KCTD1: variants seen among roughly 807,000 people sequenced by gnomAD.
KCTD1 encodes the protein potassium channel tetramerization domain containing 1, also known as BTB/POZ domain-containing protein KCTD1.
KCTD1 carries 24 observed loss-of-function variants against 66.0 expected under a neutral mutation model. The observed-to-expected ratio is 0.36, with a 90% CI of 0.26 to 0.51. The LOEUF (loss-of-function observed/expected upper bound fraction) is 0.51. Among genes scored for constraint, KCTD1 ranks in the 20% least tolerant of loss-of-function variants. KCTD1 has a pLI of 0.95. For missense variants in KCTD1, 943 were observed against 1,205.2 expected, an observed-to-expected ratio of 0.78 and a Z score of 3.22; for synonymous variants, 511 against 517.2, an observed-to-expected ratio of 0.99 and a Z score of 0.16.
chr18:26,529,971 A>C (rs1038338175), intron 1 of KCTD1, among the ~76,000 whole-genome samples: 10 of 152,220 alleles, frequency 6.6e-5, no homozygotes, highest in Admixed American at 2.0e-4. Flanking sequence ...CAAAACCCTA[A>C]GGTGGACGGC....
chr18:26,464,690 A>C (rs947789697), intron 3 of KCTD1, among the ~76,000 whole-genome samples: 2 of 152,182 alleles, frequency 1.3e-5, no homozygotes, highest in African/African-American at 4.8e-5. Context: ...CCGTGAGCAC[A>C]AAAAGGATTT....
chr18:26,497,579 G>T (rs547694616), intron 2 of KCTD1, among the ~76,000 whole-genome samples: 1 of 152,092 alleles, frequency 6.6e-6, no homozygotes, highest in African/African-American at 2.4e-5. Context: ...TAAAATTTGC[G>T]TATGGGTCCC....
Position 26,570,191 on chromosome 18 carries a change from A to AAAAATATATATATAT in KCTD1, c.-16+58955_-16+58956insATATATATATATTTT, listed in dbSNP as rs776923644. ...ACAGAGCAAGACTCCATCTAAAAAA[A>AAAAATATATATATAT]ATATATATATATATATATATATATG... On this transcript the variant is annotated intron_variant, in intron 1 of 4. Coordinates refer to the KCTD1 transcript ENST00000317932. Among the ~76,000 whole-genome samples, 37 of 132,544 alleles carry AAAAATATATATATAT rather than the reference A, an allele frequency of 2.8e-4. 1 individual carries two copies. The highest frequency in any genetic ancestry group is 1.8e-3 in the South Asian group (7 of 3,962). The allele number at this position is 132,544 out of a possible 152,430, so 87.0% of individuals were successfully genotyped here.
chr18:26,548,203 C>T lies in KCTD1; in HGVS notation c.334G>A (p.Gly112Arg). The T allele has an allele frequency of 2.0e-6, 3 of 1,506,896 alleles. No individual in the cohort carries two copies. Among genetic ancestry groups the T allele is most frequent in the Non-Finnish European group, 2.7e-6 (3 of 1,131,476 alleles). 93.3% of individuals were successfully genotyped at this position (1,506,896 alleles called of 1,614,324 possible). Reference sequence around the variant, plus strand: ...ACCGGCTCGGGCTCCAGCTCCTCCCCGGCCGAGTCCTCGGGCTCCAGGGGC... The same window carrying T: ...ACCGGCTCGGGCTCCAGCTCCTCCCTGGCCGAGTCCTCGGGCTCCAGGGGC... ...DEPLEPEDSA[G>R]EELEPEPVHM... The change falls in exon 1 of 5, where the codon GGG (glycine) becomes AGG (arginine). Residue 112 changes from glycine (G) to arginine (R), a missense_variant. Gly to Arg is a moderately radical substitution (Grantham distance 125). Transcript: ENST00000580059.
intron 1 of KCTD1, among the ~76,000 whole-genome samples, chr18:26,595,389 A>T (rs1310106328): frequency 3.3e-5 from 5 of 152,190 alleles, no homozygotes; most frequent in Non-Finnish European, 2.9e-5. Context: ...TTTTAGGTAA[A>T]CATTTGGCCC....
chr18:26,551,619 G>T (rs903432106), upstream of KCTD1, among the ~76,000 whole-genome samples: 1 of 151,678 alleles, frequency 6.6e-6, no homozygotes, highest in Non-Finnish European at 1.5e-5. Context: ...CAGAAAAACA[G>T]ATATATACCC....
At chr18:26,515,309 G>A (rs1169796252) in intron 1 of KCTD1, among the ~76,000 whole-genome samples, 1 of 152,164 alleles carries the variant, frequency 6.6e-6, no homozygotes, top group African/African-American at 2.4e-5. Context: ...GAAAGCCAAT[G>A]CCATCTTTTG....
intron 1 of KCTD1, among the ~76,000 whole-genome samples, chr18:26,542,450 G>GCCCCT (rs1985017470): frequency 6.6e-6 from 1 of 152,136 alleles, no homozygotes; most frequent in African/African-American, 2.4e-5. Flanking sequence ...ACGTTCCTAA[G>GCCCCT]ACTTCAAAGA....
chr18:26,502,507 T>A (rs1982817153), intron 1 of KCTD1, among the ~76,000 whole-genome samples: 1 of 152,156 alleles, frequency 6.6e-6, no homozygotes, highest in South Asian at 2.1e-4. Flanking sequence ...ACTATACTCT[T>A]GAGAAAATAA....
intron 1 of KCTD1, among the ~76,000 whole-genome samples, chr18:26,623,742 A>G (rs1434495772): frequency 6.6e-6 from 1 of 152,224 alleles, no homozygotes; most frequent in Non-Finnish European, 1.5e-5. Flanking sequence ...TGCTATAAGG[A>G]TACCTGAAAT....
chr18:26,593,450 GGAT>G (rs1986671025), intron 1 of KCTD1, among the ~76,000 whole-genome samples: 1 of 140,250 alleles, frequency 7.1e-6, no homozygotes, highest in African/African-American at 2.7e-5. Flanking sequence ...AAGACAAGGA[GGAT>G]GAGGAGGAAG....
chr18:26,611,901 T>G (rs1381085988), intron 1 of KCTD1, among the ~76,000 whole-genome samples: 1 of 152,258 alleles, frequency 6.6e-6, no homozygotes, highest in African/African-American at 2.4e-5. Context: ...TCTTTTGGGG[T>G]TTTGCTTTTA....
chr18:26,647,338 C>CA (rs900890532), intron 1 of KCTD1, among the ~76,000 whole-genome samples: 2 of 149,340 alleles, frequency 1.3e-5, no homozygotes, highest in African/African-American at 4.9e-5. Context: ...GAAACCCCCC[C>CA]CCCATCTCTA....
At chr18:26,472,137 G>T (rs1047497219) in intron 3 of KCTD1, among the ~76,000 whole-genome samples, 2 of 152,062 alleles carry the variant, frequency 1.3e-5, no homozygotes, top group African/African-American at 4.8e-5. Flanking sequence ...GGTGGCAGAG[G>T]GGGAGGCAGA....
intron 1 of KCTD1, among the ~76,000 whole-genome samples, chr18:26,601,137 T>C (rs1241178649): frequency 6.6e-6 from 1 of 151,854 alleles, no homozygotes; most frequent in African/African-American, 2.4e-5. Context: ...GAGCCCAGGT[T>C]GATGAGCATT....
At chr18:26,604,431 A>G (rs1598962914) in intron 1 of KCTD1, among the ~76,000 whole-genome samples, 1 of 152,256 alleles carries the variant, frequency 6.6e-6, no homozygotes, top group African/African-American at 2.4e-5. Context: ...AGGAATATAA[A>G]TCATTTTACC....
intron 1 of KCTD1, among the ~76,000 whole-genome samples, chr18:26,613,337 G>T (rs1476773251): frequency 1.3e-5 from 2 of 152,156 alleles, no homozygotes; most frequent in Non-Finnish European, 2.9e-5. Flanking sequence ...TCATGTACCT[G>T]GTAGCACAGA....
chr18:26,533,353 T>C (rs2144782907), intron 1 of KCTD1, among the ~76,000 whole-genome samples: 1 of 152,348 alleles, frequency 6.6e-6, no homozygotes, highest in African/African-American at 2.4e-5. Context: ...GCAAGTATTT[T>C]ATTTCAGTCA....
chr18:26,656,189 G>GGCC (rs1406024416), intron 1 of KCTD1, among the ~76,000 whole-genome samples: 1 of 152,176 alleles, frequency 6.6e-6, no homozygotes, highest in Non-Finnish European at 1.5e-5. Context: ...AGGGAACCTA[G>GGCC]GCCGCCAGGA....
Sources: gnomAD v4.1 joint callset for allele counts (sites outside exome capture counted in the v4.1 genomes callset) on GRCh38, gnomAD v4.1.1 for gene constraint, MANE v1.5 for transcripts, NCBI Gene and HGNC (gene_info 2026-07-23, HGNC 2026-07-21) for gene names.